Variants in HFM1 observed in about 807,000 individuals in gnomAD.
The protein encoded by HFM1 is probable ATP-dependent DNA helicase HFM1.
A neutral mutation model predicts 192.1 loss-of-function variants in HFM1; 169 were observed. The observed-to-expected ratio is 0.88, with a 90% CI of 0.78 to 1.00. The LOEUF is 1.00. Among genes scored for constraint, HFM1 ranks in the 50% least tolerant of loss-of-function variants. The pLI is 0.00. For synonymous variants in HFM1, 525 were observed against 537.8 expected (o/e 0.98, Z 0.33); for missense variants, 1,661 against 1,668.0 (o/e 1.00, Z 0.07).
chr1:91,404,782 G>A lies in HFM1; in HGVS notation c.-28+16C>T, dbSNP rs999960530. ...GTCCCCACCTTCCCCGCGGGCGTCCGGGCCCCTCTCCTCACCTCCCTGCGG... is the reference window on the plus strand; with the variant it reads ...GTCCCCACCTTCCCCGCGGGCGTCCAGGCCCCTCTCCTCACCTCCCTGCGG... On this transcript the variant is annotated intron_variant, in intron 1 of 38. Coordinates refer to ENST00000370425, the MANE Select transcript of HFM1 (RefSeq NM_001017975.6). 6.7e-6 allele frequency: 3 copies of A among 444,866 alleles called. No homozygotes were observed. Among genetic ancestry groups the A allele is most frequent in the East Asian group, 7.8e-5 (1 of 12,866 alleles). 27.6% of individuals were successfully genotyped at this position (444,866 alleles called of 1,614,324 possible). A position where few individuals can be genotyped will look rare whatever the true frequency, so the allele number is the denominator to read the frequency against.
At position 91,378,322 on chromosome 1, in the gene HFM1, T is replaced by C. The variant is rs1396930375; in HGVS notation, c.1236+81A>G. On this transcript the variant is annotated intron_variant, in intron 10 of 38. Coordinates refer to ENST00000370425, the MANE Select transcript of HFM1 (RefSeq NM_001017975.6). ...TGAAGGGATAAAACAAACATATAGT[T>C]TGGTTGCAATGTCTTTTTTCTTTCT... 9.3e-6 allele frequency: 12 copies of C among 1,294,666 alleles called. No individual in the cohort carries two copies. The East Asian group carries it at 1.2e-4, about 13-fold the overall frequency. The allele number at this position is 1,294,666 out of a possible 1,614,324, so 80.2% of individuals were successfully genotyped here. A position where few individuals can be genotyped will look rare whatever the true frequency, so the allele number is the denominator to read the frequency against.
In HFM1 at chr1:91,273,453, G is replaced by A. The variant is rs182967590; in HGVS notation, c.3772+259C>T. Among the ~76,000 whole-genome samples the A allele has an allele frequency of 2.8e-3, 432 of 152,052 alleles. 1 individual carries two copies. Among genetic ancestry groups the A allele is most frequent in the Non-Finnish European group, 4.0e-3 (272 of 67,922 alleles). ...TACCCAAGGATCCCTTATTTGCTCA[G>A]GTTTTCCTCATAGTATCTTTAAATT... On this transcript the variant is annotated intron_variant, in intron 34 of 38. Coordinates refer to ENST00000370425, the MANE Select transcript of HFM1 (RefSeq NM_001017975.6).
In HFM1 at chr1:91,394,173, A is replaced by C; in HGVS notation, c.414T>G (p.Pro138=). The part of the protein sequence containing the change: ...YKNHIGTEIA[P]EKSVPDDTKL... ...TTGTATCATCAGGAACACTCTTCTC[A>C]GGTGCTATCTCAGTGCCAATGTGAT... Residue 138 remains proline (P), a synonymous_variant, in exon 4 of 39, where the codon CCT becomes CCG. Transcript: ENST00000370425. 1.2e-6 allele frequency: 2 copies of C among 1,608,868 alleles called. No homozygotes were observed. The highest frequency in any genetic ancestry group is 1.7e-6 in the Non-Finnish European group (2 of 1,175,472).
intron 30 of HFM1, among the ~76,000 whole-genome samples, chr1:91,277,508 T>A (rs1570749936): frequency 3.6e-4 from 1 of 2,800 alleles, no homozygotes; most frequent in African/African-American, 8.4e-4. Flanking sequence ...CCCTGGTGGG[T>A]GTGTGTGTGT....
intron 4 of HFM1, among the ~76,000 whole-genome samples, chr1:91,391,309 A>G (rs1662957173): frequency 6.6e-6 from 1 of 152,246 alleles, no homozygotes; most frequent in Non-Finnish European, 1.5e-5. Flanking sequence ...TCCTAAGCAA[A>G]AAGAACAAAG....
chr1:91,293,271 C>T (rs1480002418), intron 30 of HFM1, among the ~76,000 whole-genome samples: 1 of 151,986 alleles, frequency 6.6e-6, no homozygotes, highest in Non-Finnish European at 1.5e-5. Context: ...AGGCAACCTA[C>T]AGAATGGGAG....
Position 91,282,487 on chromosome 1 carries a change from T to C in HFM1, c.3392-5425A>G, listed in dbSNP as rs540542431. Among the ~76,000 whole-genome samples the C allele has an allele frequency of 1.4e-4, 22 of 152,336 alleles. No homozygotes were observed. The South Asian group carries it at 4.6e-3, about 32-fold the overall frequency. ...TTCCTTATTTTGGACTTTCACACAT[T>C]CTACATTTTCCTAAAATGTCTCATC... On this transcript the variant is annotated intron_variant, in intron 30 of 38. Transcript: ENST00000370425.
chr1:91,262,650 T>C, intron 36 of HFM1, 58 bp from the exon 37 acceptor site: 2 of 995,156 alleles, frequency 2.0e-6, no homozygotes, highest in South Asian at 1.5e-5. Flanking sequence ...CCATTTTAAT[T>C]TGGATCATAA....
rs942004452 is a variant in HFM1 at position 91,394,342 on chromosome 1, T to G, written c.245A>C (p.Asn82Thr). The G allele has an allele frequency of 6.3e-7, 1 of 1,579,676 alleles. No homozygotes were observed. The highest frequency in any genetic ancestry group is 1.3e-5 in the African/African-American group (1 of 74,156). The change falls in exon 4 of 39, where the codon AAT (asparagine) becomes ACT (threonine). Residue 82 changes from asparagine to threonine, a missense_variant. Asn to Thr is a moderately conservative substitution (Grantham distance 65, BLOSUM62 0). Transcript: ENST00000370425. ...GAATTTTTGTGTTAGTGAAATATAATTTGTATCTTCATTAGTTATCTTTAA... is the reference window on the plus strand; with the variant it reads ...GAATTTTTGTGTTAGTGAAATATAAGTTGTATCTTCATTAGTTATCTTTAA... ...SNLKITNEDT[N>T]YISLTQKFQF...
At chr1:91,296,844 G>A (rs948598617) in intron 30 of HFM1, among the ~76,000 whole-genome samples, 2 of 152,184 alleles carry the variant, frequency 1.3e-5, no homozygotes, top group African/African-American at 4.8e-5. Flanking sequence ...AACAGCCCCA[G>A]TCTACAGCTC....
chr1:91,404,696 G>C, intron 1 of HFM1, 102 bp downstream of exon 1: 1 of 376,308 alleles, frequency 2.7e-6, no homozygotes. Flanking sequence ...CGGCTCTAGA[G>C]ATCGACCGCT....
At chr1:91,337,987 T>C (rs1654822440) in intron 20 of HFM1, among the ~76,000 whole-genome samples, 1 of 151,860 alleles carries the variant, frequency 6.6e-6, no homozygotes, top group South Asian at 2.1e-4. Context: ...TTGAGGGTGG[T>C]TGGAGGGAAG....
At position 91,390,757 on chromosome 1, in the gene HFM1, C is replaced by T. The variant is rs192805189; in HGVS notation, c.494+3336G>A. ...ATAGTGTTGGAAGTTCTGGCCAGGG[C>T]AATCAGGTAGGAGAAAGAAATAATG... On this transcript the variant is annotated intron_variant, in intron 4 of 38. Coordinates refer to ENST00000370425, the MANE Select transcript of HFM1 (RefSeq NM_001017975.6). 8.6e-4 allele frequency among the ~76,000 whole-genome samples: 131 copies of T among 152,208 alleles called. 2 individuals are homozygous for T. In the East Asian group the frequency reaches 0.021, roughly 25 times the overall value.
intron 30 of HFM1, among the ~76,000 whole-genome samples, chr1:91,280,187 G>C (rs1403186653): frequency 6.6e-6 from 1 of 152,152 alleles, no homozygotes; most frequent in East Asian, 1.9e-4. Flanking sequence ...AGGTGAAGCT[G>C]TTCTGGTCAG....
At chr1:91,334,274 T>C (rs1251004784) in intron 20 of HFM1, among the ~76,000 whole-genome samples, 2 of 152,160 alleles carry the variant, frequency 1.3e-5, no homozygotes, top group Admixed American at 6.5e-5. Flanking sequence ...CTTAATGTAA[T>C]GTGGGAATAA....
At chr1:91,389,104 C>T (rs1336069478) in intron 4 of HFM1, among the ~76,000 whole-genome samples, 3 of 151,352 alleles carry the variant, frequency 2.0e-5, no homozygotes, top group Non-Finnish European at 4.4e-5. Flanking sequence ...ATGTTGAGGC[C>T]CTAATCCCCA....
chr1:91,371,696 T>A (rs1027686696), intron 13 of HFM1, among the ~76,000 whole-genome samples: 7 of 145,386 alleles, frequency 4.8e-5, no homozygotes, highest in Non-Finnish European at 9.0e-5. Flanking sequence ...GGACTTCATG[T>A]CTAAAACATT....
intron 2 of HFM1, among the ~76,000 whole-genome samples, chr1:91,396,847 C>G (rs1187500516): frequency 6.6e-6 from 1 of 152,174 alleles, no homozygotes; most frequent in Non-Finnish European, 1.5e-5. Flanking sequence ...ACCCCTGGGC[C>G]GCAGACTGAT....
At chr1:91,281,184 G>A (rs1233505820) in intron 30 of HFM1, among the ~76,000 whole-genome samples, 2 of 152,142 alleles carry the variant, frequency 1.3e-5, no homozygotes, top group Non-Finnish European at 2.9e-5. Context: ...GAGTGGTGGT[G>A]GTAGTAGAGT....
Sources: allele counts gnomAD v4.1 joint callset (sites outside exome capture counted in the v4.1 genomes callset), GRCh38; gene constraint gnomAD v4.1.1; transcripts MANE v1.5; gene names NCBI Gene and HGNC (gene_info 2026-07-23, HGNC 2026-07-21).